Variants in DOCK3 observed in about 807,000 individuals in gnomAD.
DOCK3 encodes the protein dedicator of cytokinesis 3.
Under a neutral mutation model 265.6 loss-of-function variants are expected in DOCK3, and 60 were observed. That is an observed-to-expected ratio of 0.23 (90% CI 0.18 to 0.28). The LOEUF is 0.28. Among genes scored for constraint, DOCK3 ranks in the 10% least tolerant of loss-of-function variants. The pLI is 1.00. For missense variants in DOCK3, 1,981 were observed against 2,594.3 expected (o/e 0.76, Z 5.14); for synonymous variants, 881 against 938.0 (o/e 0.94, Z 1.11).
At chr3:50,847,117 T>C (rs897591703) in intron 3 of DOCK3, among the ~76,000 whole-genome samples, 1 of 152,208 alleles carries the variant, frequency 6.6e-6, no homozygotes, top group South Asian at 2.1e-4. Flanking sequence ...TTTAGCATTA[T>C]AAACTTGCCT....
Position 51,350,492 on chromosome 3 carries a change from ACTT to A in DOCK3, c.4107+104_4107+106del, listed in dbSNP as rs1175660252. ...CCCCTTTTTGCCTTTTCTACTGAAT[ACTT>A]CTTTACAGAGGATAAACCAGTTAAC... On this transcript the variant is annotated intron_variant, in intron 40 of 52. Coordinates refer to ENST00000266037, the MANE Select transcript of DOCK3 (RefSeq NM_004947.5). 6 of 1,292,258 alleles carry A rather than the reference ACTT, an allele frequency of 4.6e-6. No homozygotes were observed. In the East Asian group the frequency reaches 1.4e-4, roughly 31 times the overall value. The allele number at this position is 1,292,258 out of a possible 1,614,324, so 80.0% of individuals were successfully genotyped here.
intron 23 of DOCK3, 132 bp from the exon 24 acceptor site, chr3:51,270,683 G>A (rs1355770138): frequency 7.8e-6 from 7 of 895,802 alleles, no homozygotes; most frequent in Non-Finnish European, 1.2e-5. Context: ...CAGTGGCCAG[G>A]GAGGAGCCCA....
At chr3:50,734,301 G>A (rs1479537752) in intron 1 of DOCK3, among the ~76,000 whole-genome samples, 1 of 152,122 alleles carries the variant, frequency 6.6e-6, no homozygotes, top group African/African-American at 2.4e-5. Context: ...TTGATCCCAG[G>A]AGTTCAGCCT....
At chr3:50,693,773 G>T (rs2035420684) in intron 1 of DOCK3, among the ~76,000 whole-genome samples, 1 of 151,272 alleles carries the variant, frequency 6.6e-6, no homozygotes, top group African/African-American at 2.4e-5. Context: ...CTGACCTCAG[G>T]TGATCCTCCC....
intron 3 of DOCK3, among the ~76,000 whole-genome samples, chr3:50,871,098 A>G (rs962105560): frequency 2.0e-5 from 3 of 152,058 alleles, no homozygotes; most frequent in African/African-American, 7.2e-5. Context: ...AGTATTACCG[A>G]TGAGTTTCGT....
At chr3:51,056,952 A>G (rs1481599551) in intron 5 of DOCK3, among the ~76,000 whole-genome samples, 1 of 152,196 alleles carries the variant, frequency 6.6e-6, no homozygotes, top group African/African-American at 2.4e-5. Context: ...CTCTTTGAGG[A>G]TAGCAAAATT....
intron 1 of DOCK3, among the ~76,000 whole-genome samples, chr3:50,679,755 G>A (rs188217010): frequency 6.6e-6 from 1 of 152,304 alleles, no homozygotes; most frequent in Admixed American, 6.5e-5. Context: ...CTCTGGAAGG[G>A]CCCCAATACC....
At chr3:50,806,986 C>A (rs1265688265) in intron 2 of DOCK3, among the ~76,000 whole-genome samples, 1 of 152,026 alleles carries the variant, frequency 6.6e-6, no homozygotes, top group Non-Finnish European at 1.5e-5. Context: ...GCTTACTTTT[C>A]CCTTACAATG....
intron 3 of DOCK3, among the ~76,000 whole-genome samples, chr3:50,869,495 C>T (rs1376547344): frequency 6.0e-5 from 9 of 149,038 alleles, no homozygotes; most frequent in African/African-American, 2.2e-4. Flanking sequence ...CTCAGCCTCC[C>T]GAGTAGCTGG....
rs1229912661 is a variant in DOCK3, at chr3:51,260,241, G to T, written c.2270G>T (p.Arg757Ile). The T allele has an allele frequency of 1.2e-6, 2 of 1,613,944 alleles. No homozygotes were observed. Among genetic ancestry groups the T allele is most frequent in the Non-Finnish European group, 1.7e-6 (2 of 1,179,872 alleles). Reference protein sequence around the residue: ...ATCGMEEEQFRSSIQELFQSI... With the variant: ...ATCGMEEEQFISSIQELFQSI... ...TGTGGAATGGAAGAGGAACAATTCAGATCCAGTATCCAAGAACTTTTCCAG... is the reference window on the plus strand; with the variant it reads ...TGTGGAATGGAAGAGGAACAATTCATATCCAGTATCCAAGAACTTTTCCAG... Residue 757 changes from arginine to isoleucine, a missense_variant, in exon 23 of 53, where the codon AGA becomes ATA. By Grantham distance (97) the Arg-to-Ile change is moderately conservative (BLOSUM62 -3). Transcript: ENST00000266037.
intron 5 of DOCK3, among the ~76,000 whole-genome samples, chr3:51,016,950 AAT>A (rs1186346941): frequency 3.2e-5 from 1 of 31,046 alleles, no homozygotes; most frequent in Non-Finnish European, 5.1e-5. Context: ...TGTTATATAT[AAT>A]ATATATATTA....
chr3:50,726,887 G>A (rs2037865090), intron 1 of DOCK3, among the ~76,000 whole-genome samples: 3 of 152,108 alleles, frequency 2.0e-5, no homozygotes. Context: ...AAAATGTGTA[G>A]CCTATTCACA....
At chr3:50,705,496 A>G (rs1261865528) in intron 1 of DOCK3, among the ~76,000 whole-genome samples, 1 of 151,832 alleles carries the variant, frequency 6.6e-6, no homozygotes, top group Non-Finnish European at 1.5e-5. Context: ...GCTCACTGCA[A>G]CCTCCGCCTG....
At chr3:50,881,643 A>G (rs1328607196) in intron 3 of DOCK3, among the ~76,000 whole-genome samples, 1 of 152,234 alleles carries the variant, frequency 6.6e-6, no homozygotes, top group Non-Finnish European at 1.5e-5. Context: ...AGAACATTCC[A>G]TGCTCATGGG....
intron 7 of DOCK3, among the ~76,000 whole-genome samples, chr3:51,079,141 C>G (rs1016005234): frequency 6.6e-6 from 1 of 152,042 alleles, no homozygotes; most frequent in East Asian, 1.9e-4. Context: ...ATGAAACTTT[C>G]TGATTATAAT....
At chr3:50,870,191 T>G (rs1316172369) in intron 3 of DOCK3, among the ~76,000 whole-genome samples, 1 of 152,214 alleles carries the variant, frequency 6.6e-6, no homozygotes, top group Non-Finnish European at 1.5e-5. Flanking sequence ...GGAAGATATC[T>G]CCAGTACTGA....
At chr3:51,277,840 C>T in intron 26 of DOCK3, 86 bp downstream of exon 26, 1 of 1,545,908 alleles carries the variant, frequency 6.5e-7, no homozygotes, top group Non-Finnish European at 8.7e-7. Context: ...TACCATCCCA[C>T]CACCTTCATC....
At chr3:50,925,869 C>T (rs1025728073) in intron 4 of DOCK3, among the ~76,000 whole-genome samples, 4 of 128,032 alleles carry the variant, frequency 3.1e-5, no homozygotes, top group Admixed American at 8.4e-5. Flanking sequence ...CTCACTCTGT[C>T]GCCCAGGCTG....
chr3:51,271,197 T>A (rs2080475776), intron 24 of DOCK3, among the ~76,000 whole-genome samples, 190 bp downstream of exon 24: 1 of 152,212 alleles, frequency 6.6e-6, no homozygotes, highest in Admixed American at 6.5e-5. Flanking sequence ...GCCTACTGCC[T>A]TACTCACAGT....
Sources: allele counts gnomAD v4.1 joint callset (sites outside exome capture counted in the v4.1 genomes callset), GRCh38; gene constraint gnomAD v4.1.1; transcripts MANE v1.5; gene names NCBI Gene and HGNC (gene_info 2026-07-23, HGNC 2026-07-21).